The following MAPK10 variants were observed in gnomAD, a reference collection of about 807,000 sequenced individuals.
MAPK10 encodes the protein mitogen-activated protein kinase 10.
MAPK10 carries 25 observed loss-of-function variants against 59.3 expected under a neutral mutation model. That is an observed-to-expected ratio of 0.42 (90% CI 0.31 to 0.59). The LOEUF (loss-of-function observed/expected upper bound fraction) is 0.59, where lower values mean the gene tolerates loss of function less well. Ranked by LOEUF, MAPK10 falls within the 20% of genes least tolerant of loss-of-function variation. MAPK10 has a pLI of 0.15. For missense variants in MAPK10, 351 were observed against 568.9 expected, an observed-to-expected ratio of 0.62 and a Z score of 3.90; for synonymous variants, 190 against 200.5, an observed-to-expected ratio of 0.95 and a Z score of 0.44.
At chr4:86,283,394 A>C (rs1446623813) in intron 2 of MAPK10, among the ~76,000 whole-genome samples, 3 of 152,230 alleles carry the variant, frequency 2.0e-5, no homozygotes, top group African/African-American at 7.2e-5. Context: ...CAAAACTTCT[A>C]AATAGTGTGT....
chr4:86,055,282 C>A lies in MAPK10; in HGVS notation c.1110+8984G>T, dbSNP rs571739870. Among the ~76,000 whole-genome samples, 31 of 132,604 alleles carry A rather than the reference C, an allele frequency of 2.3e-4. 2 individuals are homozygous for A. Among genetic ancestry groups the A allele is most frequent in the South Asian group, 1.7e-3 (8 of 4,694 alleles). 87.0% of individuals were successfully genotyped at this position (132,604 alleles called of 152,430 possible). A position where few individuals can be genotyped will look rare whatever the true frequency, so the allele number is the denominator to read the frequency against. ...TCACATTGTTAATTATTCTTTTCCT[C>A]ATTCTAGGATACAGTAGTTTGTCTT... On this transcript the variant is annotated intron_variant, in intron 11 of 13. Coordinates refer to ENST00000641462, the MANE Select transcript of MAPK10 (RefSeq NM_138982.4).
At chr4:86,144,432 A>G (rs1398825500) in intron 4 of MAPK10, among the ~76,000 whole-genome samples, 1 of 152,180 alleles carries the variant, frequency 6.6e-6, no homozygotes, top group Non-Finnish European at 1.5e-5. Flanking sequence ...TGGTTAAAGG[A>G]CAAGTCTTGG....
At position 86,165,445 on chromosome 4, in the gene MAPK10, A is replaced by G. The variant is rs1362371861; in HGVS notation, c.67-5978T>C. 4.0e-5 allele frequency among the ~76,000 whole-genome samples: 6 copies of G among 149,854 alleles called. No homozygotes were observed. In the Admixed American group the frequency reaches 4.0e-4, roughly 10 times the overall value. ...CAGCCTGGAATGCAGTGGCACAATC[A>G]TGGTTTGCTGCAGCCTTGAACTCCT... On this transcript the variant is annotated intron_variant, in intron 3 of 13. Coordinates refer to ENST00000641462, the MANE Select transcript of MAPK10 (RefSeq NM_138982.4).
intron 3 of MAPK10, among the ~76,000 whole-genome samples, chr4:86,190,710 G>T (rs1002172962): frequency 2.2e-4 from 33 of 151,984 alleles, no homozygotes; most frequent in African/African-American, 7.7e-4. Context: ...CCTGGATTCT[G>T]TGATTTTTTG....
intron 2 of MAPK10, among the ~76,000 whole-genome samples, chr4:86,296,119 T>C (rs967516065): frequency 2.0e-5 from 3 of 147,862 alleles, no homozygotes; most frequent in African/African-American, 7.5e-5. Context: ...GAGGTTCCAG[T>C]GAGCTGAGAT....
intron 1 of MAPK10, among the ~76,000 whole-genome samples, chr4:86,442,125 T>C (rs1749493315): frequency 6.6e-6 from 1 of 152,192 alleles, no homozygotes; most frequent in Admixed American, 6.5e-5. Context: ...GATGTATTCA[T>C]GGCATTTTTC....
intron 9 of MAPK10, chr4:86,081,251 G>A (rs1320533979): frequency 6.6e-6 from 1 of 151,872 alleles, no homozygotes; most frequent in Non-Finnish European, 1.5e-5. Context: ...AATTCCATGT[G>A]GACTAATGGT....
At chr4:86,126,441 A>G (rs143691600) in intron 4 of MAPK10, among the ~76,000 whole-genome samples, 1 of 152,214 alleles carries the variant, frequency 6.6e-6, no homozygotes, top group East Asian at 1.9e-4. Flanking sequence ...TGAAGGACTT[A>G]GCTCTGTATC....
At chr4:86,091,193 T>C (rs143442806) in intron 9 of MAPK10, 7 of 151,844 alleles carry the variant, frequency 4.6e-5, no homozygotes, top group African/African-American at 1.7e-4. Flanking sequence ...TATTAAATAA[T>C]ATATTAAAAT....
chr4:86,344,626 G>C (rs1016262729), intron 2 of MAPK10, among the ~76,000 whole-genome samples: 5 of 150,048 alleles, frequency 3.3e-5, no homozygotes, highest in Non-Finnish European at 7.5e-5. Context: ...GTGAGGGAGT[G>C]AGGGAGGGAG....
At chr4:86,259,577 A>T (rs1023277787) in intron 2 of MAPK10, among the ~76,000 whole-genome samples, 2 of 152,142 alleles carry the variant, frequency 1.3e-5, no homozygotes, top group African/African-American at 4.8e-5. Flanking sequence ...TAAGAGATTT[A>T]TATTTCCAAT....
chr4:86,100,515 A>G (rs2149070276), intron 8 of MAPK10: 1 of 152,408 alleles, frequency 6.6e-6, no homozygotes. Context: ...TGTTTCTTAC[A>G]GAGCAGCTTA....
At chr4:86,209,161 T>C (rs12512375) in intron 2 of MAPK10, among the ~76,000 whole-genome samples, 12,916 of 151,864 alleles carry the variant, frequency 0.085, 1,218 homozygotes, top group African/African-American at 0.23. Flanking sequence ...GTCAACAAAA[T>C]TAACAACCTA....
intron 4 of MAPK10, chr4:86,151,882 A>C (rs545127061): frequency 1.6e-4 from 24 of 152,352 alleles, no homozygotes; most frequent in Admixed American, 6.5e-4. Context: ...GATGTATTAG[A>C]TCTTCTGTAA....
intron 2 of MAPK10, among the ~76,000 whole-genome samples, chr4:86,231,224 A>G (rs1459886078): frequency 1.3e-5 from 2 of 152,202 alleles, no homozygotes; most frequent in Non-Finnish European, 2.9e-5. Context: ...AGTTGGGTAG[A>G]AGTAGAATTA....
Position 86,368,099 on chromosome 4 carries a change from C to A in MAPK10, c.-121-13455G>T, listed in dbSNP as rs563270045. Among the ~76,000 whole-genome samples, 5 of 152,220 alleles carry A rather than the reference C, an allele frequency of 3.3e-5. No homozygotes were observed. The South Asian group carries it at 6.2e-4, about 19-fold the overall frequency. ...ATAGTCATAGTGATTGGCAATGCTGCGAATTTAAAACACTAACAGTTCCCA... is the reference window on the plus strand; with the variant it reads ...ATAGTCATAGTGATTGGCAATGCTGAGAATTTAAAACACTAACAGTTCCCA... On this transcript the variant is annotated intron_variant, in intron 1 of 13. Transcript: ENST00000361569.
chr4:86,484,275 C>T (rs1753818614), intron 1 of MAPK10, among the ~76,000 whole-genome samples: 2 of 152,198 alleles, frequency 1.3e-5, no homozygotes, highest in Non-Finnish European at 2.9e-5. Flanking sequence ...TCTTATTTAA[C>T]TCCCATTATC....
intron 1 of MAPK10, among the ~76,000 whole-genome samples, chr4:86,395,492 T>C (rs973134938): frequency 3.3e-5 from 5 of 152,210 alleles, no homozygotes; most frequent in African/African-American, 1.2e-4. Context: ...ATGATGTAAC[T>C]GAATCATTAT....
chr4:86,308,514 A>C (rs2095610791), intron 2 of MAPK10: 1 of 152,180 alleles, frequency 6.6e-6, no homozygotes. Context: ...TGATAATTGA[A>C]TATCTCTATG....
Sources: gnomAD v4.1 joint callset for allele counts (sites outside exome capture counted in the v4.1 genomes callset) on GRCh38, gnomAD v4.1.1 for gene constraint, MANE v1.5 for transcripts, NCBI Gene and HGNC (gene_info 2026-07-23, HGNC 2026-07-21) for gene names.